Variants in CDKAL1 observed in about 807,000 individuals in gnomAD.
CDKAL1 encodes CDKAL1 threonylcarbamoyladenosine tRNA methylthiotransferase.
CDKAL1 carries 32 observed loss-of-function variants against 68.2 expected under a neutral mutation model. The ratio of observed to expected loss-of-function variants is 0.47; its 90% CI spans 0.35 to 0.63. The LOEUF is 0.63. CDKAL1 is among the 30% of genes least tolerant of loss of function. The pLI, the probability that CDKAL1 is intolerant of heterozygous loss-of-function variation, is 0.00. For missense variants in CDKAL1, 606 were observed against 696.7 expected (o/e 0.87, Z 1.47); for synonymous variants, 234 against 244.3 (o/e 0.96, Z 0.39).
At chr6:20,790,564 C>G (rs1775856655) in intron 8 of CDKAL1, among the ~76,000 whole-genome samples, 1 of 152,156 alleles carries the variant, frequency 6.6e-6, no homozygotes, top group South Asian at 2.1e-4. Context: ...CAGTGATGCC[C>G]CCTGATCCAG....
At chr6:21,159,553 T>C (rs1003687408) in intron 13 of CDKAL1, among the ~76,000 whole-genome samples, 1 of 152,236 alleles carries the variant, frequency 6.6e-6, no homozygotes, top group African/African-American at 2.4e-5. Flanking sequence ...CCTTACTAGA[T>C]TGTAAGTTCC....
intron 9 of CDKAL1, among the ~76,000 whole-genome samples, chr6:20,884,484 G>A (rs1195601832): frequency 2.6e-5 from 4 of 152,292 alleles, no homozygotes; most frequent in South Asian, 4.1e-4. Flanking sequence ...GCTATTCAAC[G>A]TTGTACTCGA....
intron 4 of CDKAL1, among the ~76,000 whole-genome samples, chr6:20,597,715 C>T (rs1167520430): frequency 6.6e-6 from 1 of 152,160 alleles, no homozygotes; most frequent in Non-Finnish European, 1.5e-5. Flanking sequence ...ACACACAGCC[C>T]CATAATTTTA....
At chr6:20,810,668 T>C (rs2150421099) in intron 8 of CDKAL1, among the ~76,000 whole-genome samples, 1 of 104,796 alleles carries the variant, frequency 9.5e-6, no homozygotes, top group Non-Finnish European at 2.1e-5. Context: ...GTGTGTGTAA[T>C]ATATTGCTAA....
chr6:21,087,088 T>A (rs1772733961), intron 12 of CDKAL1, among the ~76,000 whole-genome samples: 1 of 152,210 alleles, frequency 6.6e-6, no homozygotes, highest in Non-Finnish European at 1.5e-5. Context: ...CTTTTCCTTC[T>A]GCACCCAGGC....
chr6:21,028,504 G>A (rs1318911747), intron 11 of CDKAL1, among the ~76,000 whole-genome samples: 1 of 152,162 alleles, frequency 6.6e-6, no homozygotes, highest in Non-Finnish European at 1.5e-5. Flanking sequence ...CCTTCTTCCT[G>A]TGTCCTCCAC....
Position 21,107,763 on chromosome 6 carries a change from A to C in CDKAL1, c.1237-638A>C, listed in dbSNP as rs919111203. The stretch of plus-strand genomic sequence containing the variant: ...GCCTTCTCTTCATAACTAATCTATG[A>C]GGCTTATGTGTCATCATTACAGATA... On this transcript the variant is annotated intron_variant, in intron 12 of 15. Transcript: ENST00000274695. Among the ~76,000 whole-genome samples the C allele has an allele frequency of 2.0e-5, 3 of 152,308 alleles. No individual in the cohort carries two copies. In the East Asian group the frequency reaches 5.8e-4, roughly 29 times the overall value.
rs762713469 is a variant in CDKAL1 at position 20,993,896 on chromosome 6, T to A, written c.910-6331T>A. Among the ~76,000 whole-genome samples, 239 of 152,340 alleles carry A rather than the reference T, an allele frequency of 1.6e-3. 2 individuals carry two copies. The highest frequency in any genetic ancestry group is 3.4e-3 in the Middle Eastern group (1 of 294). On this transcript the variant is annotated intron_variant, in intron 10 of 15. Transcript: ENST00000274695. ...TCCTGCCTGTAAAATGGTTAATATCTATATTTTAAGCAGCCTTAATACATC... is the reference window on the plus strand; with the variant it reads ...TCCTGCCTGTAAAATGGTTAATATCAATATTTTAAGCAGCCTTAATACATC...
intron 13 of CDKAL1, among the ~76,000 whole-genome samples, chr6:21,150,212 C>A (rs1480886071): frequency 1.3e-5 from 2 of 152,134 alleles, no homozygotes; most frequent in African/African-American, 4.8e-5. Context: ...AAATTTCCCA[C>A]ATAAACTGCA....
At chr6:21,058,197 C>G (rs1176294531) in intron 11 of CDKAL1, among the ~76,000 whole-genome samples, 3 of 152,020 alleles carry the variant, frequency 2.0e-5, no homozygotes, top group East Asian at 1.9e-4. Flanking sequence ...TGAGTACTCC[C>G]CTATTGGGTG....
intron 2 of CDKAL1, among the ~76,000 whole-genome samples, chr6:20,541,984 T>A (rs1196762438): frequency 1.3e-5 from 2 of 152,232 alleles, no homozygotes; most frequent in Non-Finnish European, 2.9e-5. Flanking sequence ...CATGACCACG[T>A]GGTACGTATG....
At chr6:20,581,850 A>G (rs751471006) in intron 4 of CDKAL1, among the ~76,000 whole-genome samples, 4 of 152,198 alleles carry the variant, frequency 2.6e-5, no homozygotes, top group Admixed American at 6.5e-5. Flanking sequence ...TTGCTTTAGC[A>G]ATTCAGGATA....
At chr6:21,156,183 A>G (rs9356769) in intron 13 of CDKAL1, among the ~76,000 whole-genome samples, 53,986 of 151,594 alleles carry the variant, frequency 0.36, 10,155 homozygotes, top group African/African-American at 0.48. Context: ...CACTTTGGGA[A>G]GCTGAGGCAG....
intron 8 of CDKAL1, among the ~76,000 whole-genome samples, chr6:20,836,587 A>C (rs1777956216): frequency 6.6e-6 from 1 of 152,122 alleles, no homozygotes; most frequent in Non-Finnish European, 1.5e-5. Flanking sequence ...TAATGTTCTT[A>C]TTTAAGTTCT....
intron 9 of CDKAL1, among the ~76,000 whole-genome samples, chr6:20,879,363 T>C (rs551564496): frequency 6.6e-6 from 1 of 152,348 alleles, no homozygotes; most frequent in South Asian, 2.1e-4. Context: ...GTACACCTGC[T>C]GGTTTCAGCA....
chr6:20,610,504 T>TC (rs1170735629), intron 4 of CDKAL1, among the ~76,000 whole-genome samples: 3 of 152,086 alleles, frequency 2.0e-5, no homozygotes, highest in Non-Finnish European at 4.4e-5. Context: ...TTTTTCTTTT[T>TC]TTTTGAAGTA....
At chr6:21,032,633 C>A (rs1401792321) in intron 11 of CDKAL1, among the ~76,000 whole-genome samples, 1 of 152,008 alleles carries the variant, frequency 6.6e-6, no homozygotes, top group Admixed American at 6.6e-5. Flanking sequence ...TTTACCATAC[C>A]TTTTCTGTGT....
At chr6:21,037,528 C>T (rs1267027894) in intron 11 of CDKAL1, among the ~76,000 whole-genome samples, 1 of 152,194 alleles carries the variant, frequency 6.6e-6, no homozygotes, top group Non-Finnish European at 1.5e-5. Flanking sequence ...TGGAACAGTG[C>T]TGCCCAATAG....
intron 9 of CDKAL1, among the ~76,000 whole-genome samples, chr6:20,923,227 T>A (rs1450462459): frequency 6.6e-6 from 1 of 152,174 alleles, no homozygotes; most frequent in Admixed American, 6.5e-5. Flanking sequence ...AGCCTACATA[T>A]AACTCTTGGG....
Sources: allele counts gnomAD v4.1 joint callset (sites outside exome capture counted in the v4.1 genomes callset), GRCh38; gene constraint gnomAD v4.1.1; transcripts MANE v1.5; gene names NCBI Gene and HGNC (gene_info 2026-07-23, HGNC 2026-07-21).